The following PHF14 variants were observed in gnomAD, a reference collection of about 807,000 sequenced individuals.
PHF14 encodes the protein PHD finger protein 14.
In PHF14, 55 loss-of-function variants were observed where a neutral mutation model predicts 117.9. That is an observed-to-expected ratio of 0.47 (90% CI 0.38 to 0.58). The LOEUF is 0.58. Ranked by LOEUF, PHF14 falls within the 20% of genes least tolerant of loss-of-function variation. PHF14 has a pLI of 0.00. For missense variants in PHF14, 978 were observed against 1,122.2 expected (o/e 0.87, Z 1.84); for synonymous variants, 409 against 368.6 (o/e 1.11, Z -1.26).
intron 16 of PHF14, among the ~76,000 whole-genome samples, chr7:11,076,031 C>T (rs6974192): frequency 0.11 from 16,603 of 152,010 alleles, 1,068 homozygotes; most frequent in African/African-American, 0.18. Context: ...TCCAGCTACT[C>T]GGGAGGCTGA....
At chr7:11,007,951 T>G (rs1783185230) in intron 4 of PHF14, among the ~76,000 whole-genome samples, 1 of 152,222 alleles carries the variant, frequency 6.6e-6, no homozygotes, top group South Asian at 2.1e-4. Flanking sequence ...TTTTTGAAAT[T>G]TGAGGGCTGC....
At chr7:11,026,327 A>G (rs746596589) in intron 6 of PHF14, among the ~76,000 whole-genome samples, 30 of 152,350 alleles carry the variant, frequency 2.0e-4, no homozygotes, top group Middle Eastern at 3.4e-3. Flanking sequence ...ACATAATGTT[A>G]TTATGCATTT....
At chr7:11,145,036 T>G (rs1788505989) in intron 17 of PHF14, among the ~76,000 whole-genome samples, 1 of 151,880 alleles carries the variant, frequency 6.6e-6, no homozygotes, top group Non-Finnish European at 1.5e-5. Flanking sequence ...TGGTGATGGT[T>G]TCACAACAAT....
At chr7:11,081,811 G>A (rs1024585283) in intron 16 of PHF14, among the ~76,000 whole-genome samples, 10 of 150,952 alleles carry the variant, frequency 6.6e-5, no homozygotes, top group Non-Finnish European at 1.2e-4. Flanking sequence ...AGCTGAGATC[G>A]CGCCACCACA....
At chr7:11,066,312 T>C (rs115253699) in intron 16 of PHF14, among the ~76,000 whole-genome samples, 2,910 of 152,306 alleles carry the variant, frequency 0.019, 91 homozygotes, top group African/African-American at 0.066. Context: ...CAGGCTAGAG[T>C]GCAGTGGCAC....
At chr7:11,090,912 G>A (rs143438358) in intron 16 of PHF14, among the ~76,000 whole-genome samples, 1 of 152,194 alleles carries the variant, frequency 6.6e-6, no homozygotes, top group Non-Finnish European at 1.5e-5. Context: ...GGAGGTAGCA[G>A]TCATTCAAGG....
chr7:11,066,973 A>C (rs1170461228), intron 16 of PHF14, among the ~76,000 whole-genome samples: 1 of 152,214 alleles, frequency 6.6e-6, no homozygotes, highest in East Asian at 1.9e-4. Flanking sequence ...AAGTTGGACT[A>C]AATTCAAAGT....
intron 13 of PHF14, among the ~76,000 whole-genome samples, chr7:11,050,446 T>C (rs1784821300): frequency 6.6e-6 from 1 of 152,222 alleles, no homozygotes; most frequent in South Asian, 2.1e-4. Context: ...GTTTTAACTT[T>C]TTGAAATGGT....
chr7:11,166,194 A>C (rs952484598), intron 17 of PHF14, among the ~76,000 whole-genome samples: 1 of 152,120 alleles, frequency 6.6e-6, no homozygotes, highest in African/African-American at 2.4e-5. Context: ...CAAAGGATAC[A>C]TTTTCTTTAC....
chr7:11,152,343 A>G (rs1788725825), intron 17 of PHF14, among the ~76,000 whole-genome samples: 1 of 152,202 alleles, frequency 6.6e-6, no homozygotes, highest in African/African-American at 2.4e-5. Flanking sequence ...GACCAAGGGC[A>G]GTTCCTGAGT....
chr7:11,005,897 A>G (rs938658352), intron 4 of PHF14, among the ~76,000 whole-genome samples: 5 of 144,910 alleles, frequency 3.5e-5, no homozygotes, highest in African/African-American at 1.3e-4. Context: ...GGTTCAAGCG[A>G]TTCTCCCGCC....
chr7:11,036,759 GTTAA>G (rs1406341470), intron 9 of PHF14, 71 bp downstream of exon 9: 1 of 1,373,146 alleles, frequency 7.3e-7, no homozygotes, highest in African/African-American at 1.4e-5. Flanking sequence ...TTGATATACT[GTTAA>G]TTTTTAGAAA....
intron 7 of PHF14, among the ~76,000 whole-genome samples, chr7:11,033,626 A>G (rs1784205226): frequency 6.6e-6 from 1 of 152,190 alleles, no homozygotes; most frequent in Non-Finnish European, 1.5e-5. Context: ...ATTGTAAGAC[A>G]ATTAGTAGTT....
chr7:11,024,358 C>G (rs1783838976), intron 6 of PHF14, among the ~76,000 whole-genome samples: 1 of 152,190 alleles, frequency 6.6e-6, no homozygotes, highest in Non-Finnish European at 1.5e-5. Flanking sequence ...GCAAGTTATT[C>G]AGAAGATTTA....
rs574058723 is a variant in PHF14, at chr7:11,047,719, G to A, written c.2313-3893G>A. The stretch of plus-strand genomic sequence containing the variant: ...GAGAATTGCTTAAACCTGGGAGGCT[G>A]AGGCTACAATGAGCTGAGATTGCGC... On this transcript the variant is annotated intron_variant, in intron 13 of 17. Transcript: ENST00000634607. Among the ~76,000 whole-genome samples the A allele has an allele frequency of 7.0e-4, 105 of 151,076 alleles. 1 individual carries two copies. The highest frequency in any genetic ancestry group is 3.2e-3 in the Admixed American group (49 of 15,178).
intron 17 of PHF14, among the ~76,000 whole-genome samples, chr7:11,161,951 C>G (rs1162044376): frequency 6.6e-6 from 1 of 150,586 alleles, no homozygotes; most frequent in East Asian, 1.9e-4. Flanking sequence ...TTTCTATTGT[C>G]AAGACCATAA....
At chr7:11,128,967 C>T (rs1180719722) in intron 17 of PHF14, among the ~76,000 whole-genome samples, 1 of 151,642 alleles carries the variant, frequency 6.6e-6, no homozygotes, top group African/African-American at 2.4e-5. Flanking sequence ...CTTTTTTTGT[C>T]ATGCTATTGA....
chr7:11,101,545 A>G (rs2128341382), intron 16 of PHF14, among the ~76,000 whole-genome samples: 1 of 151,988 alleles, frequency 6.6e-6, no homozygotes, highest in Middle Eastern at 3.4e-3. Context: ...TGATAAATAC[A>G]ACATGTCTTT....
intron 4 of PHF14, chr7:11,006,846 C>G: frequency 1.5e-6 from 1 of 658,034 alleles, no homozygotes. Flanking sequence ...GGGACAGGAG[C>G]TTCCTTCACT....
Sources: gnomAD v4.1 joint callset for allele counts (sites outside exome capture counted in the v4.1 genomes callset) on GRCh38, gnomAD v4.1.1 for gene constraint, MANE v1.5 for transcripts, NCBI Gene and HGNC (gene_info 2026-07-23, HGNC 2026-07-21) for gene names.